NF1: variants seen among roughly 807,000 people sequenced by gnomAD.
NF1 encodes neurofibromin.
A neutral mutation model predicts 325.7 loss-of-function variants in NF1; 122 were observed. The ratio of observed to expected loss-of-function variants is 0.37; its 90% CI spans 0.32 to 0.44. NF1 has a LOEUF of 0.44. Among genes scored for constraint, NF1 ranks in the 20% least tolerant of loss-of-function variants. NF1 has a pLI of 1.00. For missense variants in NF1, 2,140 were observed against 3,415.4 expected (o/e 0.63, Z 9.31); for synonymous variants, 1,091 against 1,186.0 (o/e 0.92, Z 1.65).
intron 36 of NF1, chr17:31,320,363 A>G: frequency 1.3e-6 from 2 of 1,551,406 alleles, no homozygotes; most frequent in Non-Finnish European, 8.6e-7. Context: ...AAAAAAAGGC[A>G]GATTCTTACC....
At chr17:31,211,605 A>G (rs1216426284) in intron 12 of NF1, among the ~76,000 whole-genome samples, 1 of 152,238 alleles carries the variant, frequency 6.6e-6, no homozygotes, top group Non-Finnish European at 1.5e-5. Flanking sequence ...CCTAGGATAT[A>G]TGGTCTAGCC....
chr17:31,095,241 C>G lies in NF1; in HGVS notation c.-69C>G. On this transcript the variant is annotated 5_prime_UTR_variant, in exon 1 of 58. Transcript: ENST00000358273. ...TCTTCCCTCACCTCAGCCTCCGCTC[C>G]CCGCCCTCTTCCCGGCCCAGGGCGC... 6.9e-7 allele frequency: 1 copy of G among 1,451,900 alleles called. No individual in the cohort carries two copies. The highest frequency in any genetic ancestry group is 9.3e-7 in the Non-Finnish European group (1 of 1,071,922). The allele number at this position is 1,451,900 out of a possible 1,614,324, so 89.9% of individuals were successfully genotyped here. A position where few individuals can be genotyped will look rare whatever the true frequency, so the allele number is the denominator to read the frequency against.
chr17:31,268,519 C>T (rs180951141), intron 36 of NF1, among the ~76,000 whole-genome samples: 103 of 150,150 alleles, frequency 6.9e-4, no homozygotes, highest in African/African-American at 1.9e-3. Context: ...CCCAGCTACT[C>T]GGGAGGCTGA....
At chr17:31,230,435 G>T (rs535508113) in intron 23 of NF1, 53 bp downstream of exon 23, 1 of 1,604,174 alleles carries the variant, frequency 6.2e-7, no homozygotes, top group South Asian at 1.1e-5. Flanking sequence ...TATGTCCAAT[G>T]AAGTACAGAA....
At chr17:31,259,578 C>T (rs2067648529) in intron 33 of NF1, among the ~76,000 whole-genome samples, 1 of 152,056 alleles carries the variant, frequency 6.6e-6, no homozygotes, top group Non-Finnish European at 1.5e-5. Context: ...CAAACAAACA[C>T]ATAAGATTTT....
intron 1 of NF1, among the ~76,000 whole-genome samples, chr17:31,151,041 AAAAT>A (rs1225377632): frequency 1.9e-5 from 2 of 102,760 alleles, no homozygotes; most frequent in East Asian, 5.4e-4. Flanking sequence ...TCTCAAAAAA[AAAAT>A]AAATAAATAA....
chr17:31,095,494 G>A lies in NF1; in HGVS notation c.60+125G>A, dbSNP rs888118854. On this transcript the variant is annotated intron_variant, in intron 1 of 57. Transcript: ENST00000358273. ...AGGCTCTGGAGGAAAGGAAGGGAAG[G>A]GAAGAGAAGGGAAGGGGGGATAAGT... The A allele has an allele frequency of 1.4e-5, 12 of 862,514 alleles. 1 individual carries two copies. In the African/African-American group the frequency reaches 1.9e-4, roughly 14 times the overall value. The allele number at this position is 862,514 out of a possible 1,614,324, so 53.4% of individuals were successfully genotyped here.
intron 5 of NF1, among the ~76,000 whole-genome samples, chr17:31,179,230 A>T (rs887263966): frequency 6.6e-6 from 1 of 152,214 alleles, no homozygotes; most frequent in African/African-American, 2.4e-5. Context: ...ACACAACTAC[A>T]TGGAAACTGA....
chr17:31,353,556 A>G (rs1486511403), intron 51 of NF1, among the ~76,000 whole-genome samples: 1 of 152,146 alleles, frequency 6.6e-6, no homozygotes, highest in Non-Finnish European at 1.5e-5. Context: ...AGGTGGGGGT[A>G]GCAGTAAGCC....
chr17:31,362,907 A>G (rs2070430700), intron 57 of NF1, among the ~76,000 whole-genome samples: 1 of 152,188 alleles, frequency 6.6e-6, no homozygotes, highest in Non-Finnish European at 1.5e-5. Flanking sequence ...TTGATTGGCT[A>G]TTTGCCAAAT....
In NF1 at chr17:31,377,077, T is replaced by A. The variant is rs1036602138; in HGVS notation, c.*2922T>A. The A allele has an allele frequency of 8.6e-6, 2 of 233,706 alleles. No individual in the cohort carries two copies. The highest frequency in any genetic ancestry group is 8.5e-6 in the Non-Finnish European group (1 of 118,080). The allele number at this position is 233,706 out of a possible 1,614,324, so 14.5% of individuals were successfully genotyped here. On this transcript the variant is annotated 3_prime_UTR_variant, in exon 58 of 58. Transcript: ENST00000358273. ...GGGTTTTTTGTTTTTTGTTTTTGTTTCTACATCCTTCCCCGACTCCCAGGC... is the reference window on the plus strand; with the variant it reads ...GGGTTTTTTGTTTTTTGTTTTTGTTACTACATCCTTCCCCGACTCCCAGGC...
chr17:31,343,911 G>A (rs901166742), intron 48 of NF1, among the ~76,000 whole-genome samples: 2 of 150,340 alleles, frequency 1.3e-5, no homozygotes, highest in Admixed American at 6.6e-5. Flanking sequence ...GGCCATGATC[G>A]TGCCACTGCA....
At chr17:31,335,100 G>A (rs2151550996) in intron 40 of NF1, 69 bp downstream of exon 40, 1 of 1,297,644 alleles carries the variant, frequency 7.7e-7, no homozygotes, top group Non-Finnish European at 1.1e-6. Flanking sequence ...GCCACATTGG[G>A]CAAAGCACTG....
intron 13 of NF1, among the ~76,000 whole-genome samples, chr17:31,217,525 GA>G (rs1216506758): frequency 6.6e-6 from 1 of 151,556 alleles, no homozygotes; most frequent in Non-Finnish European, 1.5e-5. Context: ...GGCTAGTCTC[GA>G]ACTCCTGACC....
At chr17:31,234,149 G>A (rs1323555766) in intron 27 of NF1, among the ~76,000 whole-genome samples, 1 of 152,144 alleles carries the variant, frequency 6.6e-6, no homozygotes, top group Admixed American at 6.6e-5. Context: ...ATTTTTAAGT[G>A]TATAATACAG....
intron 36 of NF1, among the ~76,000 whole-genome samples, chr17:31,287,276 A>G (rs1367293238): frequency 6.6e-6 from 1 of 152,218 alleles, no homozygotes; most frequent in South Asian, 2.1e-4. Flanking sequence ...AGCACCCACA[A>G]AGTGCTTTAA....
At chr17:31,130,861 A>G (rs1915323961) in intron 1 of NF1, among the ~76,000 whole-genome samples, 1 of 152,208 alleles carries the variant, frequency 6.6e-6, no homozygotes, top group Non-Finnish European at 1.5e-5. Flanking sequence ...GCAAAGCAGC[A>G]TGGAGCAGCC....
At chr17:31,289,522 G>T (rs762505064) in intron 36 of NF1, among the ~76,000 whole-genome samples, 10 of 152,130 alleles carry the variant, frequency 6.6e-5, no homozygotes, top group African/African-American at 2.4e-4. Context: ...TTGGTCTACA[G>T]TGTTAGTTAG....
At chr17:31,313,562 C>G (rs973552086) in intron 36 of NF1, among the ~76,000 whole-genome samples, 2 of 151,814 alleles carry the variant, frequency 1.3e-5, no homozygotes, top group Non-Finnish European at 2.9e-5. Flanking sequence ...AAAAATTAGC[C>G]AGGCGTGGTG....
Sources: gnomAD v4.1 joint callset for allele counts (sites outside exome capture counted in the v4.1 genomes callset) on GRCh38, gnomAD v4.1.1 for gene constraint, MANE v1.5 for transcripts, NCBI Gene and HGNC (gene_info 2026-07-23, HGNC 2026-07-21) for gene names.